APBB2: variants seen among roughly 807,000 people sequenced by gnomAD.
APBB2 encodes the protein Fe65-like 1.
APBB2 carries 38 observed loss-of-function variants against 82.5 expected under a neutral mutation model. That is an observed-to-expected ratio of 0.46 (90% CI 0.36 to 0.60). APBB2 has a LOEUF of 0.60. Among genes scored for constraint, APBB2 ranks in the 20% least tolerant of loss-of-function variants. The probability of loss-of-function intolerance (pLI) is 0.00; values close to 1 mark genes in which losing one functional copy is unlikely to be tolerated. For missense variants in APBB2, 772 were observed against 972.3 expected (o/e 0.79, Z 2.74); for synonymous variants, 341 against 368.2 (o/e 0.93, Z 0.85).
chr4:41,202,142 A>C (rs1427119845), intron 1 of APBB2, among the ~76,000 whole-genome samples: 1 of 152,220 alleles, frequency 6.6e-6, no homozygotes, highest in Non-Finnish European at 1.5e-5. Flanking sequence ...ATTGTTGTAC[A>C]ATGATCACCA....
intron 3 of APBB2, among the ~76,000 whole-genome samples, chr4:41,078,206 GAA>G (rs11295958): frequency 8.0e-5 from 12 of 149,602 alleles, no homozygotes; most frequent in Non-Finnish European, 1.8e-4. Flanking sequence ...GACTAAAATG[GAA>G]AAAAAAAATT....
intron 12 of APBB2, among the ~76,000 whole-genome samples, chr4:40,889,624 G>A (rs1188233870): frequency 6.6e-6 from 1 of 152,208 alleles, no homozygotes; most frequent in African/African-American, 2.4e-5. Context: ...TGCATTTAAT[G>A]TAGACCAATT....
intron 6 of APBB2, among the ~76,000 whole-genome samples, chr4:40,957,119 T>C (rs1380071553): frequency 6.6e-6 from 1 of 152,188 alleles, no homozygotes; most frequent in Non-Finnish European, 1.5e-5. Context: ...AGGGTGGATG[T>C]GGAACAAAGG....
At chr4:41,166,343 C>A (rs1300984827) in intron 1 of APBB2, among the ~76,000 whole-genome samples, 1 of 151,370 alleles carries the variant, frequency 6.6e-6, no homozygotes, top group Non-Finnish European at 1.5e-5. Flanking sequence ...TGAAACCAGC[C>A]CAGAGCTGTA....
chr4:40,993,966 G>T (rs898503309), intron 6 of APBB2, among the ~76,000 whole-genome samples: 1 of 152,168 alleles, frequency 6.6e-6, no homozygotes, highest in Non-Finnish European at 1.5e-5. Context: ...GTAAGGCACA[G>T]GTAGGGCCCA....
intron 1 of APBB2, among the ~76,000 whole-genome samples, chr4:41,195,807 G>T: frequency 6.6e-6 from 1 of 151,810 alleles, no homozygotes; most frequent in Non-Finnish European, 1.5e-5. Context: ...ACCCCTTCCC[G>T]CCATATGCAC....
chr4:40,934,357 G>A, intron 10 of APBB2, 99 bp downstream of exon 10: 1 of 1,158,896 alleles, frequency 8.6e-7, no homozygotes, highest in Non-Finnish European at 1.3e-6. Flanking sequence ...CTTATTAAAT[G>A]GCTCTGGGTT....
intron 6 of APBB2, among the ~76,000 whole-genome samples, chr4:41,011,710 C>T (rs890146129): frequency 6.6e-6 from 1 of 152,072 alleles, no homozygotes; most frequent in African/African-American, 2.4e-5. Flanking sequence ...GGATTACAGG[C>T]GTGAGCCATC....
intron 1 of APBB2, among the ~76,000 whole-genome samples, chr4:41,193,225 CAACT>C (rs1257812536): frequency 3.9e-5 from 6 of 152,068 alleles, no homozygotes; most frequent in Non-Finnish European, 5.9e-5. Flanking sequence ...TTTTGTCCAC[CAACT>C]AACTTAACAG....
In APBB2 at chr4:41,168,005, T is replaced by C. The variant is rs1304925098; in HGVS notation, c.-416-24863A>G. 2.0e-5 allele frequency among the ~76,000 whole-genome samples: 3 copies of C among 152,038 alleles called. No homozygotes were observed. In the East Asian group the frequency reaches 5.9e-4, roughly 30 times the overall value. On this transcript the variant is annotated intron_variant, in intron 1 of 17. Transcript: ENST00000508593. ...CAGCAATTTGGCTGGGCGTGGTGGC[T>C]CACGCCTATAATCCCAGTACTTTGG...
intron 6 of APBB2, among the ~76,000 whole-genome samples, chr4:40,950,702 G>A (rs1459428186): frequency 6.6e-6 from 1 of 152,090 alleles, no homozygotes; most frequent in Non-Finnish European, 1.5e-5. Flanking sequence ...AATTAGCCGA[G>A]TGTGGTTGCA....
chr4:41,045,300 TTTTG>T (rs1722994713), intron 4 of APBB2, among the ~76,000 whole-genome samples: 1 of 152,100 alleles, frequency 6.6e-6, no homozygotes, highest in African/African-American at 2.4e-5. Context: ...TTTTGTTTTG[TTTTG>T]TTTTTTTGAG....
intron 3 of APBB2, among the ~76,000 whole-genome samples, chr4:41,098,450 T>C (rs1202556561): frequency 6.6e-6 from 1 of 152,094 alleles, no homozygotes; most frequent in Non-Finnish European, 1.5e-5. Context: ...CCCAAAAGTG[T>C]TGGGATTACA....
chr4:40,934,151 C>T (rs1005295335), intron 10 of APBB2, among the ~76,000 whole-genome samples: 1 of 152,214 alleles, frequency 6.6e-6, no homozygotes, highest in Non-Finnish European at 1.5e-5. Flanking sequence ...AAGGCAGAGC[C>T]TGGTGTATCT....
At chr4:41,023,439 C>A (rs62412135) in intron 5 of APBB2, among the ~76,000 whole-genome samples, 6,962 of 152,148 alleles carry the variant, frequency 0.046, 338 homozygotes, top group African/African-American at 0.12. Flanking sequence ...AATCCCACAG[C>A]CTCAGCCCAA....
chr4:40,844,545 G>A, intron 12 of APBB2, among the ~76,000 whole-genome samples: 1 of 152,194 alleles, frequency 6.6e-6, no homozygotes, highest in East Asian at 1.9e-4. Context: ...GGGAGTGGCA[G>A]GGGCCCTCTG....
In APBB2 at chr4:41,062,347, ATT is replaced by A. The variant is rs11361257; in HGVS notation, c.-51+3227_-51+3228del. Among the ~76,000 whole-genome samples, 22 of 148,946 alleles carry A rather than the reference ATT, an allele frequency of 1.5e-4. No individual in the cohort carries two copies. The East Asian group carries it at 2.0e-3, about 13-fold the overall frequency. ...TCAAACACACCCAGCTAATTTTTGT[ATT>A]TTTTTTTTTAGTAGAAATGGGGCTT... On this transcript the variant is annotated intron_variant, in intron 4 of 17. Transcript: ENST00000508593.
intron 12 of APBB2, chr4:40,857,263 C>A (rs1407184946): frequency 1.3e-6 from 1 of 786,312 alleles, no homozygotes; most frequent in Non-Finnish European, 1.5e-6. Context: ...GCCGCACTCC[C>A]GTGAAGTGCT....
chr4:41,176,465 C>T (rs1769810860), intron 1 of APBB2, among the ~76,000 whole-genome samples: 1 of 151,844 alleles, frequency 6.6e-6, no homozygotes, highest in South Asian at 2.1e-4. Context: ...AGCTTCTTCC[C>T]CCTCCCAATC....
Sources: gnomAD v4.1 joint callset for allele counts (sites outside exome capture counted in the v4.1 genomes callset) on GRCh38, gnomAD v4.1.1 for gene constraint, MANE v1.5 for transcripts, NCBI Gene and HGNC (gene_info 2026-07-23, HGNC 2026-07-21) for gene names.